FERMT2: variants seen among roughly 807,000 people sequenced by gnomAD.
FERMT2 encodes fermitin family homolog 2.
In FERMT2, 15 loss-of-function variants were observed where a neutral mutation model predicts 82.7. The observed-to-expected ratio is 0.18, with a 90% CI of 0.12 to 0.28. The LOEUF (loss-of-function observed/expected upper bound fraction) is 0.28. FERMT2 is among the 10% of genes least tolerant of loss of function. FERMT2 has a pLI of 1.00. For missense variants in FERMT2, 645 were observed against 809.4 expected (o/e 0.80, Z 2.46); for synonymous variants, 274 against 271.5 (o/e 1.01, Z -0.09).
chr14:52,875,178 T>A, intron 8 of FERMT2, 45 bp downstream of exon 8: 1 of 1,545,914 alleles, frequency 6.5e-7, no homozygotes, highest in Non-Finnish European at 8.8e-7. Flanking sequence ...ATGGAATGCA[T>A]CAATTCAAGC....
chr14:52,894,055 T>G (rs576264697), intron 3 of FERMT2, among the ~76,000 whole-genome samples: 4 of 152,328 alleles, frequency 2.6e-5, no homozygotes, highest in African/African-American at 9.6e-5. Context: ...CTTGAACTCC[T>G]GACCTCAGGT....
chr14:52,941,186 C>G lies in FERMT2; in HGVS notation c.157+9226G>C, dbSNP rs187089826. On this transcript the variant is annotated intron_variant, in intron 2 of 14. Coordinates refer to ENST00000341590, the MANE Select transcript of FERMT2 (RefSeq NM_006832.3). ...ATGAACGAAGCTAACATGTATTATG[C>G]TAAGTGAAAGAAACCAGATTCAAAG... Among the ~76,000 whole-genome samples, 5 of 152,210 alleles carry G rather than the reference C, an allele frequency of 3.3e-5. No homozygotes were observed. In the East Asian group the frequency reaches 9.6e-4, roughly 29 times the overall value.
intron 7 of FERMT2, among the ~76,000 whole-genome samples, chr14:52,877,574 C>CCT (rs1555367425): frequency 1.5e-5 from 1 of 67,062 alleles, no homozygotes; most frequent in Non-Finnish European, 2.5e-5. Flanking sequence ...GCTGTTCTTG[C>CCT]TTTTTTTTTT....
chr14:52,905,404 C>T (rs1334360751), intron 3 of FERMT2, among the ~76,000 whole-genome samples: 1 of 152,098 alleles, frequency 6.6e-6, no homozygotes, highest in African/African-American at 2.4e-5. Context: ...TACTTTAATT[C>T]AGCATTTATT....
In FERMT2 at chr14:52,890,638, C is replaced by T. The variant is rs1222032964; in HGVS notation, c.526+2655G>A. Among the ~76,000 whole-genome samples the T allele has an allele frequency of 2.8e-5, 4 of 143,458 alleles. No individual in the cohort carries two copies. In the East Asian group the frequency reaches 8.4e-4, roughly 30 times the overall value. 94.1% of individuals were successfully genotyped at this position (143,458 alleles called of 152,430 possible). A position where few individuals can be genotyped will look rare whatever the true frequency, so the allele number is the denominator to read the frequency against. Reference sequence around the variant, plus strand: ...TTTTTTTTTGAGACAGAGTCTTGCTCTGTCGCCCAGACTGGAATGCAGTGG... The same window carrying T: ...TTTTTTTTTGAGACAGAGTCTTGCTTTGTCGCCCAGACTGGAATGCAGTGG... On this transcript the variant is annotated intron_variant, in intron 4 of 14. Transcript: ENST00000341590.
chr14:52,935,806 A>G (rs1332317276), intron 2 of FERMT2, among the ~76,000 whole-genome samples: 2 of 152,244 alleles, frequency 1.3e-5, no homozygotes, highest in Non-Finnish European at 2.9e-5. Flanking sequence ...TAAAGAGATC[A>G]ACTAAGTTTA....
At chr14:52,881,766 T>C (rs1886312945) in intron 4 of FERMT2, 2 of 1,326,220 alleles carry the variant, frequency 1.5e-6, no homozygotes, top group African/African-American at 3.0e-5. Flanking sequence ...AGACCAACAC[T>C]TTTTGTCTTT....
At chr14:52,875,905 G>A (rs1312320238) in intron 7 of FERMT2, among the ~76,000 whole-genome samples, 2 of 152,148 alleles carry the variant, frequency 1.3e-5, no homozygotes, top group African/African-American at 2.4e-5. Context: ...ACGTGAGTAC[G>A]CACATGGACA....
chr14:52,928,123 G>C (rs1416504811), intron 2 of FERMT2: 2 of 248,306 alleles, frequency 8.1e-6, no homozygotes, highest in Non-Finnish European at 1.8e-5. Context: ...TAAATTTCTA[G>C]TTGCATATTT....
chr14:52,923,990 C>T (rs1889109108), intron 2 of FERMT2, among the ~76,000 whole-genome samples: 1 of 152,108 alleles, frequency 6.6e-6, no homozygotes, highest in Non-Finnish European at 1.5e-5. Flanking sequence ...CAGTAGCATT[C>T]CTGAAGACTC....
chr14:52,881,725 A>G, intron 4 of FERMT2: 1 of 1,299,966 alleles, frequency 7.7e-7, no homozygotes, highest in East Asian at 3.7e-5. Flanking sequence ...GTTCAAGAGA[A>G]TTAGAAAATA....
chr14:52,864,095 G>C (rs867406010), intron 12 of FERMT2, among the ~76,000 whole-genome samples: 1 of 151,958 alleles, frequency 6.6e-6, no homozygotes, highest in Non-Finnish European at 1.5e-5. Flanking sequence ...GGGACCAGAA[G>C]TATTTTGGGT....
chr14:52,861,310 T>G, intron 12 of FERMT2: 5 of 401,574 alleles, frequency 1.2e-5, no homozygotes, highest in Non-Finnish European at 2.2e-5. Context: ...AACCTAAGGG[T>G]AGAAATTTGT....
intron 3 of FERMT2, among the ~76,000 whole-genome samples, chr14:52,897,243 T>C (rs114013798): frequency 0.011 from 1,620 of 152,284 alleles, 32 homozygotes; most frequent in African/African-American, 0.038. Context: ...ATCATTCTTC[T>C]AATACTGAGC....
chr14:52,874,737 A>C (rs921329962), intron 8 of FERMT2, among the ~76,000 whole-genome samples: 1 of 152,232 alleles, frequency 6.6e-6, no homozygotes, highest in Non-Finnish European at 1.5e-5. Flanking sequence ...GAATTTGCAG[A>C]GTATTAGAGT....
chr14:52,895,535 G>A (rs1887207200), intron 3 of FERMT2, among the ~76,000 whole-genome samples: 1 of 152,170 alleles, frequency 6.6e-6, no homozygotes, highest in African/African-American at 2.4e-5. Flanking sequence ...GCAATAAAAT[G>A]AATGACTCTC....
At chr14:52,913,267 T>C (rs1280952991) in intron 3 of FERMT2, among the ~76,000 whole-genome samples, 1 of 152,208 alleles carries the variant, frequency 6.6e-6, no homozygotes, top group Non-Finnish European at 1.5e-5. Flanking sequence ...TAGTATCTTT[T>C]TGTAACCTAA....
chr14:52,941,842 C>T (rs1890102681), intron 2 of FERMT2, among the ~76,000 whole-genome samples: 1 of 152,132 alleles, frequency 6.6e-6, no homozygotes, highest in Non-Finnish European at 1.5e-5. Context: ...ACTACTGATG[C>T]TTTCATGGTT....
At chr14:52,944,084 T>C (rs17125964) in intron 2 of FERMT2, among the ~76,000 whole-genome samples, 3,208 of 152,268 alleles carry the variant, frequency 0.021, 76 homozygotes, top group East Asian at 0.074. Flanking sequence ...TTATTAGCTG[T>C]CACAGGATTA....
Sources: gnomAD v4.1 joint callset for allele counts (sites outside exome capture counted in the v4.1 genomes callset) on GRCh38, gnomAD v4.1.1 for gene constraint, MANE v1.5 for transcripts, NCBI Gene and HGNC (gene_info 2026-07-23, HGNC 2026-07-21) for gene names.